UNC13C: variants seen among roughly 807,000 people sequenced by gnomAD.
UNC13C encodes unc-13 homolog C.
UNC13C carries 174 observed loss-of-function variants against 245.4 expected under a neutral mutation model. The observed-to-expected ratio is 0.71, with a 90% CI of 0.63 to 0.80. UNC13C has a LOEUF of 0.80. Ranked by LOEUF, UNC13C falls within the 30% of genes least tolerant of loss-of-function variation. UNC13C has a pLI of 0.00. For missense variants in UNC13C, 2,829 were observed against 2,602.9 expected, an observed-to-expected ratio of 1.09 and a Z score of -1.89; for synonymous variants, 992 against 895.1, an observed-to-expected ratio of 1.11 and a Z score of -1.93.
chr15:53,904,487 A>G, the UNC13C span, among the ~76,000 whole-genome samples: 1 of 152,184 alleles, frequency 6.6e-6, no homozygotes, highest in Non-Finnish European at 1.5e-5. Context: ...TTCATTAAAA[A>G]TGAAAAAAAC....
intron 17 of UNC13C, among the ~76,000 whole-genome samples, chr15:54,366,473 T>C (rs1227701468): frequency 6.6e-6 from 1 of 152,206 alleles, no homozygotes; most frequent in Non-Finnish European, 1.5e-5. Context: ...TATGTGCATA[T>C]GAACACACAT....
intron 18 of UNC13C, among the ~76,000 whole-genome samples, chr15:54,396,999 G>A (rs1311866228): frequency 6.6e-6 from 1 of 150,860 alleles, no homozygotes; most frequent in Non-Finnish European, 1.5e-5. Context: ...GCCTTCTGAA[G>A]AGCATAGTTA....
At chr15:53,925,031 T>C in the UNC13C span, among the ~76,000 whole-genome samples, 1 of 152,228 alleles carries the variant, frequency 6.6e-6, no homozygotes, top group African/African-American at 2.4e-5. Flanking sequence ...ATGGGCCAGA[T>C]ATTGAATCAG....
rs574629930 is a variant in UNC13C, at chr15:54,501,944, C to G, written c.5301+966C>G. 2.2e-4 allele frequency among the ~76,000 whole-genome samples: 34 copies of G among 152,266 alleles called. No individual in the cohort carries two copies. In the South Asian group the frequency reaches 5.2e-3, roughly 23 times the overall value. On this transcript the variant is annotated intron_variant, in intron 22 of 32. Transcript: ENST00000260323. ...TGAAGATACCCCAGATCTTGAAGAACTTTGCTTCCCAGGTTGAGAAGTTTA... is the reference window on the plus strand; with the variant it reads ...TGAAGATACCCCAGATCTTGAAGAAGTTTGCTTCCCAGGTTGAGAAGTTTA...
At chr15:54,076,427 A>G (rs7165883) in intron 2 of UNC13C, among the ~76,000 whole-genome samples, 29,804 of 151,946 alleles carry the variant, frequency 0.2, 3,071 homozygotes, top group Admixed American at 0.29. Flanking sequence ...GTCCCTACAA[A>G]GGACATGAAC....
rs35899315 is a variant in UNC13C at position 54,161,946 on chromosome 15, T to TAA, written c.3071+18270_3071+18271dup. Among the ~76,000 whole-genome samples the TAA allele has an allele frequency of 1.5e-4, 23 of 151,266 alleles. 1 individual carries two copies. In the East Asian group the frequency reaches 2.1e-3, roughly 14 times the overall value. ...CTGGGCTACAGAGAGGGACTCCATT[T>TAA]AAAAAAAAATGGCTTTTTCCAAGCA... On this transcript the variant is annotated intron_variant, in intron 4 of 32. Coordinates refer to ENST00000260323, the MANE Select transcript of UNC13C (RefSeq NM_001080534.3).
intron 26 of UNC13C, among the ~76,000 whole-genome samples, chr15:54,537,683 A>G (rs1481577103): frequency 6.6e-6 from 1 of 152,008 alleles, no homozygotes; most frequent in African/African-American, 2.4e-5. Context: ...AAAGCCACAC[A>G]CCTACAACCA....
chr15:54,171,181 A>G (rs1031958082), intron 4 of UNC13C, among the ~76,000 whole-genome samples: 2 of 152,112 alleles, frequency 1.3e-5, no homozygotes, highest in African/African-American at 4.8e-5. Flanking sequence ...GCGAGCACTC[A>G]CTGATCAACT....
the UNC13C span, among the ~76,000 whole-genome samples, chr15:53,891,754 C>A: frequency 4.5e-4 from 69 of 152,250 alleles, no homozygotes; most frequent in African/African-American, 1.6e-3. Flanking sequence ...CTATGTGTGT[C>A]AATGCATGTG....
chr15:54,630,403 G>C (rs967325689), downstream of UNC13C: 2 of 152,066 alleles, frequency 1.3e-5, no homozygotes, highest in Admixed American at 6.6e-5. Context: ...AAAACAATGC[G>C]TGAAACAAGA....
At chr15:54,481,968 G>A (rs1893145096) in intron 19 of UNC13C, among the ~76,000 whole-genome samples, 1 of 152,212 alleles carries the variant, frequency 6.6e-6, no homozygotes, top group Non-Finnish European at 1.5e-5. Context: ...ACTTGCAGGT[G>A]TGTGGCAGCA....
intron 18 of UNC13C, among the ~76,000 whole-genome samples, chr15:54,397,338 T>A (rs2040091778): frequency 6.6e-6 from 1 of 151,558 alleles, no homozygotes; most frequent in Non-Finnish European, 1.5e-5. Context: ...TGACTGTATA[T>A]GTAAGAGGTT....
At chr15:54,609,716 G>A (rs1202654884) in intron 30 of UNC13C, among the ~76,000 whole-genome samples, 1 of 152,130 alleles carries the variant, frequency 6.6e-6, no homozygotes. Context: ...CTAAAATTGA[G>A]TAATATGCAT....
intron 2 of UNC13C, among the ~76,000 whole-genome samples, chr15:54,017,086 G>A (rs1326752922): frequency 6.6e-6 from 1 of 152,100 alleles, no homozygotes; most frequent in Non-Finnish European, 1.5e-5. Context: ...GAATTTCTAA[G>A]ACAACTGAAA....
rs187891228 is a variant in UNC13C, at chr15:54,230,575, T to A, written c.3072-4455T>A. 1.9e-4 allele frequency among the ~76,000 whole-genome samples: 29 copies of A among 152,188 alleles called. No homozygotes were observed. In the East Asian group the frequency reaches 4.6e-3, roughly 24 times the overall value. ...TGTAATTTGTATACTCTATTTTGCATTTATTTTATAACAAGACAATTAACT... is the reference window on the plus strand; with the variant it reads ...TGTAATTTGTATACTCTATTTTGCAATTATTTTATAACAAGACAATTAACT... On this transcript the variant is annotated intron_variant, in intron 4 of 32. Coordinates refer to ENST00000260323, the MANE Select transcript of UNC13C (RefSeq NM_001080534.3).
chr15:54,077,112 G>A (rs11071030), intron 2 of UNC13C, among the ~76,000 whole-genome samples: 133,392 of 151,960 alleles, frequency 0.88, 59,441 homozygotes, highest in Non-Finnish European at 0.96. Context: ...TATAGTGAAG[G>A]CTATGAGTCT....
At chr15:54,233,467 C>T (rs544679167) in intron 4 of UNC13C, among the ~76,000 whole-genome samples, 301 of 152,292 alleles carry the variant, frequency 2.0e-3, no homozygotes, top group Non-Finnish European at 3.3e-3. Context: ...TAATATTTCA[C>T]GCTCACTGCA....
intron 17 of UNC13C, among the ~76,000 whole-genome samples, chr15:54,339,033 A>AT (rs543570575): frequency 4.6e-5 from 7 of 151,860 alleles, no homozygotes; most frequent in African/African-American, 9.7e-5. Flanking sequence ...TTCCCAGCTA[A>AT]TTTTTTTTAT....
chr15:54,547,587 ACACT>A (rs1255675942), intron 27 of UNC13C, among the ~76,000 whole-genome samples: 2 of 152,346 alleles, frequency 1.3e-5, no homozygotes, highest in Non-Finnish European at 2.9e-5. Context: ...TTAGTTATAC[ACACT>A]CAGTCCATGT....
Sources: allele counts gnomAD v4.1 joint callset (sites outside exome capture counted in the v4.1 genomes callset), GRCh38; gene constraint gnomAD v4.1.1; transcripts MANE v1.5; gene names NCBI Gene and HGNC (gene_info 2026-07-23, HGNC 2026-07-21).